MMS22L: variants seen among roughly 807,000 people sequenced by gnomAD.
The protein encoded by MMS22L is protein MMS22-like.
In MMS22L, 74 loss-of-function variants were observed where a neutral mutation model predicts 159.1. That is an observed-to-expected ratio of 0.47 (90% CI 0.39 to 0.56). The LOEUF is 0.56. Among genes scored for constraint, MMS22L ranks in the 20% least tolerant of loss-of-function variants. The pLI is 0.00. For synonymous variants in MMS22L, 517 were observed against 506.9 expected (o/e 1.02, Z -0.27); for missense variants, 1,351 against 1,422.1 (o/e 0.95, Z 0.80).
intron 14 of MMS22L, among the ~76,000 whole-genome samples, chr6:97,222,944 T>G (rs936508831): frequency 6.6e-6 from 1 of 152,106 alleles, no homozygotes; most frequent in Non-Finnish European, 1.5e-5. Context: ...AAGTGAGAAC[T>G]TAAAATGTGA....
chr6:97,165,161 G>A, intron 21 of MMS22L, 85 bp downstream of exon 21: 1 of 1,165,470 alleles, frequency 8.6e-7, no homozygotes, highest in Non-Finnish European at 1.3e-6. Context: ...CCTAAGGGTT[G>A]CCAATATGTT....
intron 18 of MMS22L, among the ~76,000 whole-genome samples, chr6:97,178,120 C>T (rs1804309577): frequency 6.6e-6 from 1 of 152,028 alleles, no homozygotes. Context: ...TATTCAGTTC[C>T]CAAGCATCTG....
intron 14 of MMS22L, among the ~76,000 whole-genome samples, chr6:97,214,341 A>G (rs1253780283): frequency 6.6e-6 from 1 of 152,242 alleles, no homozygotes; most frequent in African/African-American, 2.4e-5. Flanking sequence ...ATTATGGTAT[A>G]TCTACACAAT....
intron 7 of MMS22L, among the ~76,000 whole-genome samples, chr6:97,268,995 A>G (rs1447626033): frequency 1.3e-5 from 2 of 152,120 alleles, no homozygotes; most frequent in African/African-American, 2.4e-5. Flanking sequence ...CAGGTTGCCA[A>G]TGGAACTTAA....
chr6:97,169,950 T>C (rs1291883266), intron 19 of MMS22L, among the ~76,000 whole-genome samples: 2 of 152,068 alleles, frequency 1.3e-5, no homozygotes, highest in East Asian at 3.9e-4. Context: ...TGGTATAGGA[T>C]ACCAATAAGA....
chr6:97,282,417 T>C lies in MMS22L; in HGVS notation c.61A>G (p.Thr21Ala). The C allele has an allele frequency of 6.2e-7, 1 of 1,614,100 alleles. No homozygotes were observed. The highest frequency in any genetic ancestry group is 8.5e-7 in the Non-Finnish European group (1 of 1,180,006). Reference sequence around the variant, plus strand: ...AAGTAAGGAGGTTTGCACCATTCCGTCCCCAGCTCCAGCTCTAAGCTGTCA... The same window carrying C: ...AAGTAAGGAGGTTTGCACCATTCCGCCCCCAGCTCCAGCTCTAAGCTGTCA... ...LTDSLELELG[T>A]EWCKPPYFSC... Residue 21 changes from threonine to alanine, a missense_variant, in exon 2 of 25, where the codon ACG becomes GCG. Coordinates refer to ENST00000683635, the MANE Select transcript of MMS22L (RefSeq NM_001350599.2).
At chr6:97,263,313 A>G (rs368184904) in intron 9 of MMS22L, 22 bp downstream of exon 9, 522 of 1,397,352 alleles carry the variant, frequency 3.7e-4, no homozygotes, top group Non-Finnish European at 4.9e-4. Flanking sequence ...ACAATAACCA[A>G]CACATCAATT....
intron 22 of MMS22L, 34 bp from the exon 23 acceptor site, chr6:97,151,901 T>C (rs771246602): frequency 3.3e-6 from 5 of 1,533,380 alleles, no homozygotes; most frequent in Non-Finnish European, 2.7e-6. Context: ...AGGCACTGTG[T>C]CTGAATTGAC....
At chr6:97,163,955 G>A (rs1048523456) in intron 21 of MMS22L, among the ~76,000 whole-genome samples, 1 of 152,014 alleles carries the variant, frequency 6.6e-6, no homozygotes. Context: ...GAGAGCTAAG[G>A]AGCATGAAAT....
intron 11 of MMS22L, among the ~76,000 whole-genome samples, chr6:97,245,609 T>G (rs926296470): frequency 6.6e-6 from 1 of 152,058 alleles, no homozygotes; most frequent in Non-Finnish European, 1.5e-5. Flanking sequence ...CAAAATACAA[T>G]AAACAAAACT....
intron 10 of MMS22L, among the ~76,000 whole-genome samples, chr6:97,251,919 G>A (rs558329362): frequency 2.8e-4 from 43 of 151,886 alleles, no homozygotes; most frequent in Non-Finnish European, 5.2e-4. Flanking sequence ...CCGTTTCTAC[G>A]AAAAATACAA....
At position 97,282,434 on chromosome 6, in the gene MMS22L, A is replaced by G; in HGVS notation, c.44T>C (p.Leu15Ser). The G allele has an allele frequency of 6.2e-7, 1 of 1,613,970 alleles. No homozygotes were observed. Among genetic ancestry groups the G allele is most frequent in the Non-Finnish European group, 8.5e-7 (1 of 1,179,958 alleles). The part of the protein sequence containing the change: ...SAASTFLTDS[L>S]ELELGTEWCK... ...CCATTCCGTCCCCAGCTCCAGCTCT[A>G]AGCTGTCAGTCAGGAACGTCGATGC... Residue 15 changes from leucine (L) to serine (S), a missense_variant, in exon 2 of 25, where the codon TTA (leucine) becomes TCA (serine). Transcript: ENST00000683635.
At chr6:97,245,546 A>G (rs1005921881) in intron 11 of MMS22L, among the ~76,000 whole-genome samples, 2 of 152,176 alleles carry the variant, frequency 1.3e-5, no homozygotes, top group Non-Finnish European at 2.9e-5. Flanking sequence ...TTAAGTTACT[A>G]AATCAATATG....
chr6:97,226,550 C>T (rs993138655), intron 14 of MMS22L, among the ~76,000 whole-genome samples: 15 of 151,964 alleles, frequency 9.9e-5, no homozygotes, highest in Non-Finnish European at 1.8e-4. Flanking sequence ...GCCGAGATGG[C>T]GCCACTGCAC....
At chr6:97,238,063 T>C (rs984404562) in intron 11 of MMS22L, among the ~76,000 whole-genome samples, 1 of 152,172 alleles carries the variant, frequency 6.6e-6, no homozygotes, top group African/African-American at 2.4e-5. Flanking sequence ...GTTAAACATA[T>C]GAAAATTCAA....
chr6:97,259,172 A>G (rs1444057558), intron 9 of MMS22L: 1 of 152,196 alleles, frequency 6.6e-6, no homozygotes, highest in Non-Finnish European at 1.5e-5. Flanking sequence ...ATCATCCTAT[A>G]GTTTTGAACT....
At chr6:97,200,741 T>G (rs1229480808) in intron 14 of MMS22L, among the ~76,000 whole-genome samples, 2 of 152,082 alleles carry the variant, frequency 1.3e-5, no homozygotes, top group African/African-American at 4.8e-5. Flanking sequence ...TGTGCAACAG[T>G]GCTATAGGAG....
intron 18 of MMS22L, among the ~76,000 whole-genome samples, chr6:97,176,380 G>A (rs889071630): frequency 3.3e-5 from 5 of 151,788 alleles, no homozygotes; most frequent in African/African-American, 1.2e-4. Flanking sequence ...TGTATTTCTC[G>A]GTACCTTGAT....
At chr6:97,149,097 T>TA (rs1350794612) in intron 24 of MMS22L, among the ~76,000 whole-genome samples, 1 of 152,206 alleles carries the variant, frequency 6.6e-6, no homozygotes, top group Non-Finnish European at 1.5e-5. Flanking sequence ...GTGTGTGGTA[T>TA]AGGCTATTCC....
Sources: allele counts gnomAD v4.1 joint callset (sites outside exome capture counted in the v4.1 genomes callset), GRCh38; gene constraint gnomAD v4.1.1; transcripts MANE v1.5; gene names NCBI Gene and HGNC (gene_info 2026-07-23, HGNC 2026-07-21).